The following GALC variants were observed in gnomAD, a reference collection of about 807,000 sequenced individuals.
The protein encoded by GALC is galactocerebrosidase.
GALC carries 77 observed loss-of-function variants against 91.8 expected under a neutral mutation model. The ratio of observed to expected loss-of-function variants is 0.84; its 90% CI spans 0.70 to 1.01. GALC has a LOEUF of 1.01. Ranked by LOEUF, GALC falls within the 50% of genes least tolerant of loss-of-function variation. The pLI is 0.00. For synonymous variants in GALC, 357 were observed against 306.7 expected (o/e 1.16, Z -1.71); for missense variants, 882 against 855.9 (o/e 1.03, Z -0.38).
At chr14:87,968,313 T>C (rs764539841) in intron 8 of GALC, 22 bp downstream of exon 8, 1 of 1,592,160 alleles carries the variant, frequency 6.3e-7, no homozygotes, top group East Asian at 2.2e-5. Context: ...ATAAGAACTC[T>C]AAAAGGTTTT....
At chr14:87,988,278 G>T in intron 2 of GALC, 71 bp from the exon 3 acceptor site, 1 of 1,423,066 alleles carries the variant, frequency 7.0e-7, no homozygotes, top group Non-Finnish European at 9.9e-7. Context: ...ACTAATTACT[G>T]CCTTAGGTTT....
intron 1 of GALC, chr14:87,992,579 C>T: frequency 6.7e-7 from 1 of 1,485,050 alleles, no homozygotes; most frequent in African/African-American, 1.4e-5. Flanking sequence ...CGGACGCTCC[C>T]GCACTCCCTG....
intron 10 of GALC, chr14:87,954,903 T>G: frequency 6.4e-7 from 1 of 1,568,676 alleles, no homozygotes; most frequent in Middle Eastern, 2.1e-4. Flanking sequence ...CTTTAATGAC[T>G]GTAGTTGATG....
intron 12 of GALC, 61 bp downstream of exon 12, chr14:87,949,784 G>C: frequency 1.2e-6 from 1 of 812,636 alleles, no homozygotes; most frequent in South Asian, 1.4e-5. Context: ...TGACATTTCT[G>C]TGCCCTTTTA....
chr14:87,935,779 G>C (rs1025501351), intron 16 of GALC, among the ~76,000 whole-genome samples: 2 of 151,998 alleles, frequency 1.3e-5, no homozygotes, highest in East Asian at 3.9e-4. Flanking sequence ...TTTAAGTCTT[G>C]GAAGTATAAC....
rs398343 is a variant in GALC at position 87,947,939 on chromosome 14, G to A, written c.1339-61C>T. 1,438,365 of 1,452,934 alleles carry A rather than the reference G, an allele frequency of 0.99. 712,730 individuals are homozygous for A. The highest frequency in any genetic ancestry group is 1 in the Non-Finnish European group (1,037,539 of 1,037,982). The allele number at this position is 1,452,934 out of a possible 1,614,324, so 90.0% of individuals were successfully genotyped here. A position where few individuals can be genotyped will look rare whatever the true frequency, so the allele number is the denominator to read the frequency against. On this transcript the variant is annotated intron_variant, in intron 12 of 16. Transcript: ENST00000261304. ...TACTATAGCTCATCTCATGTGGACA[G>A]AATAGCTTTAAAAAAATTAGCTTAA...
chr14:87,980,445 A>G, intron 6 of GALC: 1 of 937,276 alleles, frequency 1.1e-6, no homozygotes, highest in Non-Finnish European at 1.3e-6. Context: ...CAGTGCCCCC[A>G]CTCTTCCTCC....
At chr14:87,993,390 T>A, upstream of GALC, 1 of 1,535,876 alleles carries the variant, frequency 6.5e-7, no homozygotes, top group Non-Finnish European at 8.7e-7. Context: ...TACTGCTGGC[T>A]TCTCTTCCGG....
intron 10 of GALC, among the ~76,000 whole-genome samples, chr14:87,961,864 T>TAAC (rs1020334007): frequency 9.2e-5 from 14 of 152,254 alleles, no homozygotes; most frequent in Admixed American, 3.3e-4. Flanking sequence ...AGAAGACAAT[T>TAAC]AAACAAACAA....
At position 87,993,085 on chromosome 14, in the gene GALC, G is replaced by C. The variant is rs764788873; in HGVS notation, c.80C>G (p.Ala27Gly). The C allele has an allele frequency of 6.3e-7, 1 of 1,579,498 alleles. No individual in the cohort carries two copies. The highest frequency in any genetic ancestry group is 1.8e-5 in the Admixed American group (1 of 55,514). Residue 27 changes from alanine to glycine, a missense_variant, in exon 1 of 17, where the codon GCC becomes GGC. Physicochemically the swap from Ala to Gly is moderately conservative, Grantham distance 60 (BLOSUM62 0). Coordinates refer to ENST00000261304, the MANE Select transcript of GALC (RefSeq NM_000153.4). ...CGCACACAGCAGCAAGGGCACCGCGGCGCGGCCCGCCGAACCCGCGGCCGC... is the reference window on the plus strand; with the variant it reads ...CGCACACAGCAGCAAGGGCACCGCGCCGCGGCCCGCCGAACCCGCGGCCGC... ...MTAAAGSAGR[A>G]AVPLLLCALL...
intron 2 of GALC, 77 bp from the exon 3 acceptor site, chr14:87,988,284 G>A: frequency 1.4e-6 from 2 of 1,402,000 alleles, no homozygotes; most frequent in Non-Finnish European, 2.0e-6. Flanking sequence ...TACTGCCTTA[G>A]GTTTTACAGA....
Position 87,934,192 on chromosome 14 carries a change from T to A in GALC, c.*540A>T. 1 of 1,395,604 alleles carries A rather than the reference T, an allele frequency of 7.2e-7. No individual in the cohort carries two copies. The highest frequency in any genetic ancestry group is 9.3e-7 in the Non-Finnish European group (1 of 1,078,658). 86.5% of individuals were successfully genotyped at this position (1,395,604 alleles called of 1,614,324 possible). ...TATCCTGCATTTCAAAAGTATCATC[T>A]TAAAAAGGAAAATAAAAAAATACTT... On this transcript the variant is annotated 3_prime_UTR_variant, in exon 17 of 17. Transcript: ENST00000261304.
intron 8 of GALC, among the ~76,000 whole-genome samples, chr14:87,967,100 T>C (rs1158485673): frequency 2.0e-5 from 3 of 152,278 alleles, no homozygotes; most frequent in East Asian, 1.9e-4. Context: ...TGGTGCTTTA[T>C]GTAACAAAAT....
At position 87,973,273 on chromosome 14, in the gene GALC, A is replaced by G. The variant is rs576522458; in HGVS notation, c.752+3085T>C. ...TCTGAGACATTTAATAGATAATTAC[A>G]CTTCTGATATCCAAGAAAATGAGGG... is the stretch of plus-strand genomic sequence containing the variant. On this transcript the variant is annotated intron_variant, in intron 7 of 16. Coordinates refer to ENST00000261304, the MANE Select transcript of GALC (RefSeq NM_000153.4). Among the ~76,000 whole-genome samples the G allele has an allele frequency of 1.0e-3, 153 of 152,310 alleles. No homozygotes were observed. In the Middle Eastern group the frequency reaches 0.01, roughly 10 times the overall value.
At chr14:87,941,755 A>AT (rs1190529667) in intron 14 of GALC, among the ~76,000 whole-genome samples, 197 bp from the exon 15 acceptor site, 6 of 152,028 alleles carry the variant, frequency 3.9e-5, no homozygotes, top group Non-Finnish European at 8.8e-5. Flanking sequence ...GACTTAAGTC[A>AT]TTTCATTGCC....
At chr14:87,956,940 G>T (rs1885582909) in intron 10 of GALC, among the ~76,000 whole-genome samples, 1 of 151,700 alleles carries the variant, frequency 6.6e-6, no homozygotes, top group African/African-American at 2.4e-5. Context: ...GTTTTTTGAT[G>T]TTTCTTAATG....
chr14:87,982,318 C>G, intron 5 of GALC, 75 bp from the exon 6 acceptor site: 1 of 939,426 alleles, frequency 1.1e-6, no homozygotes, highest in South Asian at 1.3e-5. Flanking sequence ...GTTACGATAC[C>G]ATTTCTCTCA....
At chr14:87,992,161 C>T in intron 1 of GALC, 3 of 878,110 alleles carry the variant, frequency 3.4e-6, no homozygotes, top group East Asian at 2.6e-5. Flanking sequence ...AGCAGGCATT[C>T]AAGCTTGTTC....
At chr14:87,988,122 C>T (rs1887048838) in intron 3 of GALC, 22 bp downstream of exon 3, 1 of 1,588,368 alleles carries the variant, frequency 6.3e-7, no homozygotes, top group African/African-American at 1.3e-5. Flanking sequence ...TGGGAGAAAT[C>T]CTATCTCCCA....
Sources: allele counts gnomAD v4.1 joint callset (sites outside exome capture counted in the v4.1 genomes callset), GRCh38; gene constraint gnomAD v4.1.1; transcripts MANE v1.5; gene names NCBI Gene and HGNC (gene_info 2026-07-23, HGNC 2026-07-21).